The following ZNF385C variants were observed in gnomAD, a reference collection of about 807,000 sequenced individuals.
The protein encoded by ZNF385C is CTD-2132N18.2.
In ZNF385C, 28 loss-of-function variants were observed where a neutral mutation model predicts 35.4. That is an observed-to-expected ratio of 0.79 (90% CI 0.59 to 1.08). ZNF385C has a LOEUF of 1.08. Ranked by LOEUF, ZNF385C falls within the 50% of genes least tolerant of loss-of-function variation. The pLI is 0.00. For missense variants in ZNF385C, 605 were observed against 595.6 expected (o/e 1.02, Z -0.16); for synonymous variants, 248 against 248.2 (o/e 1.00, Z 0.01).
At chr17:42,066,207 G>T (rs573931066) in intron 1 of ZNF385C, among the ~76,000 whole-genome samples, 2 of 151,992 alleles carry the variant, frequency 1.3e-5, no homozygotes, top group African/African-American at 4.8e-5. Flanking sequence ...CTACAGGCGC[G>T]TGCCACCACT....
intron 1 of ZNF385C, among the ~76,000 whole-genome samples, chr17:42,072,942 C>T (rs1487213835): frequency 7.2e-5 from 11 of 152,056 alleles, no homozygotes; most frequent in East Asian, 1.9e-4. Flanking sequence ...GCTGCCTTCC[C>T]CCACCCCCTG....
chr17:42,066,982 T>C (rs1395769180), intron 1 of ZNF385C, among the ~76,000 whole-genome samples: 1 of 151,996 alleles, frequency 6.6e-6, no homozygotes, highest in African/African-American at 2.4e-5. Flanking sequence ...GGCAAGAGAA[T>C]TGCTTGAACC....
intron 2 of ZNF385C, among the ~76,000 whole-genome samples, chr17:42,056,272 T>C (rs1555657549): frequency 6.6e-6 from 1 of 152,156 alleles, no homozygotes; most frequent in African/African-American, 2.4e-5. Context: ...CATCTCCCCA[T>C]TTTTCAGTTG....
chr17:42,083,438 A>G (rs1454578292), intron 1 of ZNF385C, among the ~76,000 whole-genome samples: 4 of 151,688 alleles, frequency 2.6e-5, no homozygotes, highest in Non-Finnish European at 5.9e-5. Context: ...CGATCTCCTA[A>G]CCTCATGATC....
In ZNF385C at chr17:42,086,025, G is replaced by A. The variant is rs188764748; in HGVS notation, c.-3+12385C>T. On this transcript the variant is annotated intron_variant, in intron 1 of 8. Coordinates refer to ENST00000692273, the MANE Select transcript of ZNF385C (RefSeq NM_001392013.1). ...TGAGGCTGCAGTGAGCCATGATTGT[G>A]CCATTGCACTCCAGCCTGGGCAGCA... Among the ~76,000 whole-genome samples, 248 of 152,226 alleles carry A rather than the reference G, an allele frequency of 1.6e-3. 1 individual carries two copies. Among genetic ancestry groups the A allele is most frequent in the South Asian group, 5.6e-3 (27 of 4,818 alleles).
intron 6 of ZNF385C, 123 bp downstream of exon 6, chr17:42,028,660 G>A (rs1460616358): frequency 2.4e-6 from 3 of 1,248,850 alleles, no homozygotes; most frequent in African/African-American, 3.0e-5. Context: ...TAACACACAA[G>A]CACAAAGCCT....
intron 1 of ZNF385C, among the ~76,000 whole-genome samples, chr17:42,096,944 G>A (rs75418600): frequency 0.013 from 1,944 of 145,098 alleles, 25 homozygotes; most frequent in African/African-American, 0.045. Flanking sequence ...GGGGCATGCA[G>A]TGAAGGGCAC....
At chr17:42,087,916 A>G (rs1317883063) in intron 1 of ZNF385C, among the ~76,000 whole-genome samples, 1 of 152,218 alleles carries the variant, frequency 6.6e-6, no homozygotes, top group African/African-American at 2.4e-5. Flanking sequence ...CTACCTATAT[A>G]TAAACTATAA....
chr17:42,043,849 G>A (rs2053085231), intron 2 of ZNF385C, among the ~76,000 whole-genome samples: 2 of 152,164 alleles, frequency 1.3e-5, no homozygotes, highest in Non-Finnish European at 2.9e-5. Flanking sequence ...AACTGGAAAG[G>A]CTGGCATCAC....
At chr17:42,096,112 C>T (rs192026932) in intron 1 of ZNF385C, among the ~76,000 whole-genome samples, 100 of 152,254 alleles carry the variant, frequency 6.6e-4, no homozygotes, top group Middle Eastern at 3.4e-3. Flanking sequence ...TTCCTGCTGC[C>T]GGGTCCTGTC....
At chr17:42,058,078 A>G (rs782675623) in intron 2 of ZNF385C, among the ~76,000 whole-genome samples, 4 of 152,012 alleles carry the variant, frequency 2.6e-5, no homozygotes, top group Non-Finnish European at 5.9e-5. Flanking sequence ...TGCCCCTCCA[A>G]GGTATTCCAG....
chr17:42,074,884 C>G (rs566096733), intron 1 of ZNF385C, among the ~76,000 whole-genome samples: 2 of 152,236 alleles, frequency 1.3e-5, no homozygotes, highest in Non-Finnish European at 2.9e-5. Flanking sequence ...GTCATCCCAT[C>G]TCTTTTGTAG....
intron 1 of ZNF385C, among the ~76,000 whole-genome samples, chr17:42,064,038 C>T (rs2053506903): frequency 6.6e-6 from 1 of 151,434 alleles, no homozygotes; most frequent in Admixed American, 6.6e-5. Context: ...AGCGCCCCTG[C>T]CCCCGCCCTG....
At chr17:42,064,071 CAT>C (rs1163959577) in intron 1 of ZNF385C, among the ~76,000 whole-genome samples, 87 of 115,214 alleles carry the variant, frequency 7.6e-4, no homozygotes, top group African/African-American at 3.0e-3. Context: ...CGCACACGCA[CAT>C]ACACACACAC....
At chr17:42,070,511 C>T (rs1448862208) in intron 1 of ZNF385C, among the ~76,000 whole-genome samples, 2 of 152,276 alleles carry the variant, frequency 1.3e-5, no homozygotes, top group Non-Finnish European at 2.9e-5. Flanking sequence ...AGGGTGGGTG[C>T]ACCTGGTGGC....
At chr17:42,056,599 G>A (rs2053379916) in intron 2 of ZNF385C, among the ~76,000 whole-genome samples, 1 of 152,020 alleles carries the variant, frequency 6.6e-6, no homozygotes, top group Admixed American at 6.6e-5. Flanking sequence ...TTGTGATATG[G>A]TTTGGCTGTG....
At position 42,059,911 on chromosome 17, in the gene ZNF385C, C is replaced by T. The variant is rs540923335; in HGVS notation, c.250+2896G>A. The stretch of plus-strand genomic sequence containing the variant: ...TGTTGGGATGACAGGCGTGAGCCTC[C>T]GCACCTGGCCCTGGAGCTGTGGTCT... On this transcript the variant is annotated intron_variant, in intron 2 of 8. Transcript: ENST00000692273. Among the ~76,000 whole-genome samples the T allele has an allele frequency of 2.4e-3, 366 of 152,250 alleles. 1 individual carries two copies. Among genetic ancestry groups the T allele is most frequent in the African/African-American group, 3.9e-3 (163 of 41,546 alleles).
At chr17:42,041,075 G>C in intron 2 of ZNF385C, 1 of 1,232,382 alleles carries the variant, frequency 8.1e-7, no homozygotes, top group Non-Finnish European at 1.0e-6. Context: ...GTGGCAAACA[G>C]GGCCAGGCTG....
chr17:42,039,771 G>A (rs547258314), intron 2 of ZNF385C: 96 of 1,232,390 alleles, frequency 7.8e-5, no homozygotes, highest in Admixed American at 3.8e-4. Flanking sequence ...CAGCCAACCC[G>A]AAGTCAAACT....
Sources: allele counts gnomAD v4.1 joint callset (sites outside exome capture counted in the v4.1 genomes callset), GRCh38; gene constraint gnomAD v4.1.1; transcripts MANE v1.5; gene names NCBI Gene and HGNC (gene_info 2026-07-23, HGNC 2026-07-21).